Variants in PPP2R2D observed in about 807,000 individuals in gnomAD.
PPP2R2D encodes the protein serine/threonine-protein phosphatase 2A 55 kDa regulatory subunit B delta isoform.
In PPP2R2D, 9 loss-of-function variants were observed where a neutral mutation model predicts 31.1. The observed-to-expected ratio is 0.29, with a 90% CI of 0.17 to 0.51. The LOEUF is 0.51. Ranked by LOEUF, PPP2R2D falls within the 20% of genes least tolerant of loss-of-function variation. The pLI, the probability that PPP2R2D is intolerant of heterozygous loss-of-function variation, is 0.98. For missense variants in PPP2R2D, 391 were observed against 465.6 expected (o/e 0.84, Z 1.48); for synonymous variants, 179 against 172.6 (o/e 1.04, Z -0.29).
intron 5 of PPP2R2D, among the ~76,000 whole-genome samples, chr10:131,941,851 G>T (rs1041342151): frequency 6.6e-6 from 1 of 152,256 alleles, no homozygotes; most frequent in African/African-American, 2.4e-5. Flanking sequence ...TGTTGTCACC[G>T]TATTTCCTAT....
chr10:131,954,782 C>T (rs1440622584), intron 8 of PPP2R2D, among the ~76,000 whole-genome samples: 1 of 152,182 alleles, frequency 6.6e-6, no homozygotes, highest in Non-Finnish European at 1.5e-5. Context: ...GCGTGAAAGG[C>T]CTCTCACCGC....
Position 131,956,270 on chromosome 10 carries a change from AC to A in PPP2R2D, c.*309del. On this transcript the variant is annotated 3_prime_UTR_variant, in exon 9 of 9. Coordinates refer to ENST00000455566, the MANE Select transcript of PPP2R2D (RefSeq NM_018461.5). ...CCGAGCCTTCCTTTCCAATTTATAGACCAAAAAATTAACATCCAAGAGAAAA... is the reference window on the plus strand; with the variant it reads ...CCGAGCCTTCCTTTCCAATTTATAGACAAAAAATTAACATCCAAGAGAAAA... 3 of 1,070,540 alleles carry A rather than the reference AC, an allele frequency of 2.8e-6. No individual in the cohort carries two copies. Among genetic ancestry groups the A allele is most frequent in the Non-Finnish European group, 3.4e-6 (3 of 885,700 alleles). The allele number at this position is 1,070,540 out of a possible 1,614,324, so 66.3% of individuals were successfully genotyped here.
chr10:131,913,462 T>C (rs2035717028), intron 2 of PPP2R2D, among the ~76,000 whole-genome samples: 1 of 152,166 alleles, frequency 6.6e-6, no homozygotes, highest in Non-Finnish European at 1.5e-5. Flanking sequence ...TATACATGTG[T>C]CTTTGACTAG....
intron 2 of PPP2R2D, among the ~76,000 whole-genome samples, chr10:131,914,747 G>A (rs1425125846): frequency 2.0e-5 from 3 of 152,230 alleles, no homozygotes; most frequent in Admixed American, 6.5e-5. Context: ...GGTTGTAAAT[G>A]CTGCTCTGGA....
intron 2 of PPP2R2D, among the ~76,000 whole-genome samples, chr10:131,905,258 C>G (rs989196836): frequency 6.6e-6 from 1 of 152,150 alleles, no homozygotes; most frequent in Non-Finnish European, 1.5e-5. Flanking sequence ...GGGCTTCCAG[C>G]AGGAAGCAAG....
At chr10:131,932,671 C>CA (rs1285859733) in intron 2 of PPP2R2D, among the ~76,000 whole-genome samples, 111 of 78,718 alleles carry the variant, frequency 1.4e-3, no homozygotes, top group Non-Finnish European at 2.2e-3. Context: ...AAAAAAAACA[C>CA]ACAAAAAAAA....
At position 131,944,432 on chromosome 10, in the gene PPP2R2D, A is replaced by G. The variant is rs534743957; in HGVS notation, c.655+287A>G. Among the ~76,000 whole-genome samples the G allele has an allele frequency of 2.0e-5, 3 of 149,546 alleles. No homozygotes were observed. In the South Asian group the frequency reaches 6.4e-4, roughly 32 times the overall value. Reference sequence around the variant, plus strand: ...TTAAATAGGCTACATTTGAAAAACCAACATTATGTGTTCTTTTTTTTTTTC... The same window carrying G: ...TTAAATAGGCTACATTTGAAAAACCGACATTATGTGTTCTTTTTTTTTTTC... On this transcript the variant is annotated intron_variant, in intron 6 of 8. Coordinates refer to ENST00000455566, the MANE Select transcript of PPP2R2D (RefSeq NM_018461.5).
At chr10:131,926,871 G>A (rs1461407087) in intron 2 of PPP2R2D, among the ~76,000 whole-genome samples, 1 of 152,202 alleles carries the variant, frequency 6.6e-6, no homozygotes, top group African/African-American at 2.4e-5. Flanking sequence ...GATTGGGTGG[G>A]TAATGGTAGG....
downstream of PPP2R2D, among the ~76,000 whole-genome samples, chr10:131,960,343 G>T (rs1393435543): frequency 1.3e-5 from 2 of 152,220 alleles, no homozygotes; most frequent in Non-Finnish European, 2.9e-5. Context: ...CGTGGTTCAG[G>T]TGGAGGTTTG....
chr10:131,947,893 C>T lies in PPP2R2D; in HGVS notation c.1082+102C>T, dbSNP rs894627455. The T allele has an allele frequency of 8.9e-5, 129 of 1,447,086 alleles. No individual in the cohort carries two copies. The highest frequency in any genetic ancestry group is 2.9e-4 in the South Asian group (23 of 78,474). The allele number at this position is 1,447,086 out of a possible 1,614,324, so 89.6% of individuals were successfully genotyped here. ...GCTGTCCTCCAGCGTCAGAGGAGGA[C>T]GCTCATAGGGTGTTGTTTTCCAGAC... is the stretch of plus-strand genomic sequence containing the variant. On this transcript the variant is annotated intron_variant, in intron 8 of 8. Transcript: ENST00000455566. This position sits in a 1 kb window ranked among gnomAD's most constrained non-coding sequence, Gnocchi z 4.3.
In PPP2R2D at chr10:131,947,261, A is replaced by C. The variant is rs2036559871; in HGVS notation, c.821-269A>C. On this transcript the variant is annotated intron_variant, in intron 7 of 8. Transcript: ENST00000455566. This position sits in a 1 kb window ranked among gnomAD's most constrained non-coding sequence, Gnocchi z 4.3. The stretch of plus-strand genomic sequence containing the variant: ...CCCAGGACCTTGCCTAGAGATTCTC[A>C]TTCAGGGTCCGGGTGAGACTTGGGC... 6.6e-6 allele frequency among the ~76,000 whole-genome samples: 1 copy of C among 152,188 alleles called. No individual in the cohort carries two copies. The highest frequency in any genetic ancestry group is 2.4e-5 in the African/African-American group (1 of 41,448).
chr10:131,956,486 C>G lies in PPP2R2D; in HGVS notation c.*523C>G, dbSNP rs1454404643. The G allele has an allele frequency of 1.0e-6, 1 of 985,422 alleles. No homozygotes were observed. Among genetic ancestry groups the G allele is most frequent in the Non-Finnish European group, 1.2e-6 (1 of 830,038 alleles). The allele number at this position is 985,422 out of a possible 1,614,324, so 61.0% of individuals were successfully genotyped here. A position where few individuals can be genotyped will look rare whatever the true frequency, so the allele number is the denominator to read the frequency against. On this transcript the variant is annotated 3_prime_UTR_variant, in exon 9 of 9. Coordinates refer to ENST00000455566, the MANE Select transcript of PPP2R2D (RefSeq NM_018461.5). ...GGCCCCACTCACCCACAGCATCCGC[C>G]GCCACCCCTTCGGGTGTGAGCGCTC...
chr10:131,968,494 T>C, the PPP2R2D span: 2 of 1,550,206 alleles, frequency 1.3e-6, no homozygotes, highest in Non-Finnish European at 1.8e-6. Context: ...AGTAATCCAC[T>C]AACGAACCAA....
At chr10:131,960,776 G>A (rs1217320075), downstream of PPP2R2D, among the ~76,000 whole-genome samples, 1 of 152,210 alleles carries the variant, frequency 6.6e-6, no homozygotes, top group African/African-American at 2.4e-5. Flanking sequence ...TGTGCTGTGC[G>A]TCCTTGGCCA....
At chr10:131,934,589 T>A in intron 3 of PPP2R2D, 34 bp downstream of exon 3, 1 of 765,550 alleles carries the variant, frequency 1.3e-6, no homozygotes, top group Non-Finnish European at 2.4e-6. Context: ...TCAAATGCAA[T>A]TATTCAACCT....
chr10:131,921,222 G>A (rs1474063673), intron 2 of PPP2R2D, among the ~76,000 whole-genome samples: 2 of 152,204 alleles, frequency 1.3e-5, no homozygotes, highest in Non-Finnish European at 2.9e-5. Context: ...ATTTGTTGTT[G>A]CATGTCTAGA....
At chr10:131,907,298 T>C (rs1287269356) in intron 2 of PPP2R2D, among the ~76,000 whole-genome samples, 3 of 152,216 alleles carry the variant, frequency 2.0e-5, no homozygotes, top group African/African-American at 4.8e-5. Context: ...ACTTAATATT[T>C]ATATCTGTGC....
At chr10:131,953,430 C>T (rs2036727931) in intron 8 of PPP2R2D, among the ~76,000 whole-genome samples, 2 of 92,974 alleles carry the variant, frequency 2.2e-5, no homozygotes, top group South Asian at 7.6e-4. Context: ...CGGGGGGTCC[C>T]TGTCTTAGCA....
rs945367341 is a variant in PPP2R2D, at chr10:131,940,325, G to T, written c.364+129G>T. 14 of 578,930 alleles carry T rather than the reference G, an allele frequency of 2.4e-5. No individual in the cohort carries two copies. The African/African-American group carries it at 2.6e-4, about 11-fold the overall frequency. The allele number at this position is 578,930 out of a possible 1,614,324, so 35.9% of individuals were successfully genotyped here. A position where few individuals can be genotyped will look rare whatever the true frequency, so the allele number is the denominator to read the frequency against. ...TTTTGGGGGGAGGGTAAGTTATCTAGGGTAGCAAGTGATAGGTTGAAAATT... is the reference window on the plus strand; with the variant it reads ...TTTTGGGGGGAGGGTAAGTTATCTATGGTAGCAAGTGATAGGTTGAAAATT... On this transcript the variant is annotated intron_variant, in intron 4 of 8. Transcript: ENST00000455566.
Sources: gnomAD v4.1 joint callset for allele counts (sites outside exome capture counted in the v4.1 genomes callset) on GRCh38, gnomAD v4.1.1 for gene constraint, Gnocchi (gnomAD v3.1) non-coding constraint, MANE v1.5 for transcripts, NCBI Gene and HGNC (gene_info 2026-07-23, HGNC 2026-07-21) for gene names.